NAA25: variants seen among roughly 807,000 people sequenced by gnomAD.
NAA25 encodes the protein N-terminal acetyltransferase B complex subunit NAA25.
In NAA25, 30 loss-of-function variants were observed where a neutral mutation model predicts 132.5. The observed-to-expected ratio is 0.23, with a 90% confidence interval of 0.17 to 0.31. The LOEUF (loss-of-function observed/expected upper bound fraction) is 0.31, where lower values mean the gene tolerates loss of function less well. Among genes scored for constraint, NAA25 ranks in the 10% least tolerant of loss-of-function variants. The pLI is 1.00. For missense variants in NAA25, 771 were observed against 1,150.4 expected (o/e 0.67, Z 4.77); for synonymous variants, 359 against 401.9 (o/e 0.89, Z 1.28).
chr12:112,101,600 T>A (rs1296278234), intron 1 of NAA25, among the ~76,000 whole-genome samples: 1 of 151,872 alleles, frequency 6.6e-6, no homozygotes, highest in Non-Finnish European at 1.5e-5. Flanking sequence ...CTACTAACAA[T>A]ACAAAAATTA....
chr12:112,076,173 G>A (rs1031017772), intron 7 of NAA25, among the ~76,000 whole-genome samples: 9 of 152,182 alleles, frequency 5.9e-5, no homozygotes, highest in African/African-American at 1.9e-4. Flanking sequence ...GTGAGCTACC[G>A]GGCCCGGCCT....
intron 1 of NAA25, among the ~76,000 whole-genome samples, chr12:112,096,044 T>C (rs2079208576): frequency 6.6e-6 from 1 of 152,184 alleles, no homozygotes; most frequent in Non-Finnish European, 1.5e-5. Flanking sequence ...AAGTTGTTAA[T>C]AATAAGGGAA....
chr12:112,049,320 C>T lies in NAA25; in HGVS notation c.1729-877G>A, dbSNP rs2078430014. ...AAGACAGGAGATTACCCCTTTGGGC[C>T]AAGGAAACTATTATGCTCAAAGCTG... On this transcript the variant is annotated intron_variant, in intron 15 of 23. Coordinates refer to ENST00000261745, the MANE Select transcript of NAA25 (RefSeq NM_024953.4). The surrounding 1 kb of genome is among the most constrained non-coding windows in gnomAD (Gnocchi z 4.7). Among the ~76,000 whole-genome samples, 3 of 152,274 alleles carry T rather than the reference C, an allele frequency of 2.0e-5. No homozygotes were observed. The East Asian group carries it at 5.8e-4, about 29-fold the overall frequency.
intron 4 of NAA25, among the ~76,000 whole-genome samples, chr12:112,085,824 C>T (rs1280114176): frequency 6.7e-6 from 1 of 150,362 alleles, no homozygotes; most frequent in Non-Finnish European, 1.5e-5. Context: ...TCGAGACCAG[C>T]CTGGCCAACA....
At chr12:112,093,818 T>C (rs918319152) in intron 1 of NAA25, among the ~76,000 whole-genome samples, 1 of 151,548 alleles carries the variant, frequency 6.6e-6, no homozygotes, top group African/African-American at 2.4e-5. Flanking sequence ...AAGTTGAGGC[T>C]ACAGTGTGAG....
intron 10 of NAA25, among the ~76,000 whole-genome samples, chr12:112,070,127 C>G (rs2078783851): frequency 6.6e-6 from 1 of 152,010 alleles, no homozygotes; most frequent in South Asian, 2.1e-4. Context: ...GACACTGTCT[C>G]AAAAATAATA....
intron 1 of NAA25, among the ~76,000 whole-genome samples, chr12:112,105,262 TG>T (rs1750522249): frequency 6.6e-6 from 1 of 151,142 alleles, no homozygotes; most frequent in African/African-American, 2.4e-5. Context: ...GAGGTTACAG[TG>T]AGCCAAGACA....
At chr12:112,070,668 C>T (rs1261553886) in intron 10 of NAA25, among the ~76,000 whole-genome samples, 3 of 152,138 alleles carry the variant, frequency 2.0e-5, no homozygotes, top group Non-Finnish European at 4.4e-5. Flanking sequence ...ACCTCCATCT[C>T]TTGGTTCAAG....
intron 17 of NAA25, among the ~76,000 whole-genome samples, chr12:112,045,250 G>C (rs971515693): frequency 2.0e-5 from 3 of 152,072 alleles, no homozygotes; most frequent in Non-Finnish European, 2.9e-5. Context: ...CCAGCACTTC[G>C]GGAGGCCGAG....
intron 9 of NAA25, among the ~76,000 whole-genome samples, chr12:112,072,961 C>T (rs529366743): frequency 6.6e-6 from 1 of 150,978 alleles, no homozygotes; most frequent in South Asian, 2.1e-4. Flanking sequence ...AGGCCAGGCA[C>T]GGTGGCTCAC....
intron 16 of NAA25, 147 bp downstream of exon 16, chr12:112,048,144 TG>T: frequency 1.4e-6 from 1 of 725,774 alleles, no homozygotes; most frequent in Non-Finnish European, 2.2e-6. Flanking sequence ...CCCCATGACA[TG>T]TGCCAAGTTC....
intron 12 of NAA25, among the ~76,000 whole-genome samples, chr12:112,060,608 G>A (rs2078613915): frequency 6.6e-6 from 1 of 152,154 alleles, no homozygotes; most frequent in African/African-American, 2.4e-5. Context: ...GGTCCCAAAG[G>A]GAGAGAAGGA....
intron 10 of NAA25, chr12:112,069,255 C>A: frequency 3.2e-6 from 1 of 315,368 alleles, no homozygotes; most frequent in Non-Finnish European, 5.9e-6. Context: ...ACCTGTAATC[C>A]CACACTTTGG....
At chr12:112,077,402 G>A (rs541911246) in intron 7 of NAA25, among the ~76,000 whole-genome samples, 1 of 151,950 alleles carries the variant, frequency 6.6e-6, no homozygotes, top group South Asian at 2.1e-4. Flanking sequence ...GAACCCAGGA[G>A]GCAGAGGTTG....
At chr12:112,052,237 C>T (rs2078478543) in intron 15 of NAA25, among the ~76,000 whole-genome samples, 1 of 152,110 alleles carries the variant, frequency 6.6e-6, no homozygotes, top group African/African-American at 2.4e-5. Context: ...TATAGCTCAT[C>T]CATGCTAGGT....
chr12:112,078,834 C>G, intron 5 of NAA25, 93 bp from the exon 6 acceptor site: 2 of 993,616 alleles, frequency 2.0e-6, no homozygotes, highest in Non-Finnish European at 3.1e-6. Flanking sequence ...AATTATCAAT[C>G]CACCATGTCA....
rs148416142 is a variant in NAA25, at chr12:112,027,408, A to C, written c.*2123T>G. On this transcript the variant is annotated 3_prime_UTR_variant, in exon 24 of 24. Coordinates refer to ENST00000261745, the MANE Select transcript of NAA25 (RefSeq NM_024953.4). ...AAGAGATATTGGCCATTTCTGCATAATTTCATTCTTTTTACAATTATCTCA... is the reference window on the plus strand; with the variant it reads ...AAGAGATATTGGCCATTTCTGCATACTTTCATTCTTTTTACAATTATCTCA... 2.7e-3 allele frequency: 408 copies of C among 152,658 alleles called. 6 individuals are homozygous for C. Among genetic ancestry groups the C allele is most frequent in the African/African-American group, 9.6e-3 (399 of 41,544 alleles). 9.5% of individuals were successfully genotyped at this position (152,658 alleles called of 1,614,324 possible). A position where few individuals can be genotyped will look rare whatever the true frequency, so the allele number is the denominator to read the frequency against.
chr12:112,029,307 T>C lies in NAA25; in HGVS notation c.*224A>G. 1.8e-6 allele frequency: 1 copy of C among 570,414 alleles called. No homozygotes were observed. The highest frequency in any genetic ancestry group is 2.6e-5 in the South Asian group (1 of 39,150). 35.3% of individuals were successfully genotyped at this position (570,414 alleles called of 1,614,324 possible). ...GCTGCCATATGCATATGAACATGTA[T>C]AAAAAGTGGTCAAACCCAGATGAGG... is the stretch of plus-strand genomic sequence containing the variant. On this transcript the variant is annotated 3_prime_UTR_variant, in exon 24 of 24. Coordinates refer to ENST00000261745, the MANE Select transcript of NAA25 (RefSeq NM_024953.4).
At chr12:112,106,863 G>T (rs867050678) in intron 1 of NAA25, among the ~76,000 whole-genome samples, 18 of 146,102 alleles carry the variant, frequency 1.2e-4, no homozygotes, top group African/African-American at 3.8e-4. Context: ...TGAGGCAGGA[G>T]AATCACTTGA....
Sources: allele counts gnomAD v4.1 joint callset (sites outside exome capture counted in the v4.1 genomes callset), GRCh38; gene constraint gnomAD v4.1.1; non-coding constraint Gnocchi (gnomAD v3.1); transcripts MANE v1.5; gene names NCBI Gene and HGNC (gene_info 2026-07-23, HGNC 2026-07-21).